Variants in IL10 observed in about 807,000 individuals in gnomAD.
IL10 encodes interleukin 10.
A neutral mutation model predicts 21.0 loss-of-function variants in IL10; 7 were observed. That is an observed-to-expected ratio of 0.33 (90% CI 0.19 to 0.63). The LOEUF (loss-of-function observed/expected upper bound fraction) is 0.63, where lower values mean the gene tolerates loss of function less well. Among genes scored for constraint, IL10 ranks in the 20% least tolerant of loss-of-function variants. The pLI is 0.77. For missense variants in IL10, 161 were observed against 213.0 expected (o/e 0.76, Z 1.52); for synonymous variants, 83 against 79.7 (o/e 1.04, Z -0.22).
intron 3 of IL10, among the ~76,000 whole-genome samples, chr1:206,770,217 T>TC (rs1164432370): frequency 6.6e-6 from 1 of 152,112 alleles, no homozygotes; most frequent in Non-Finnish European, 1.5e-5. Context: ...CTCCTGTTCC[T>TC]CCCCGTCAGT....
rs1484652409 is a variant in IL10, at chr1:206,769,892, A to G, written c.381T>C (p.His127=). 8.1e-6 allele frequency: 13 copies of G among 1,613,462 alleles called. No homozygotes were observed. The highest frequency in any genetic ancestry group is 2.2e-5 in the East Asian group (1 of 44,892). ...TCTTGTTTTCACAGGGAAGAAATCG[A>G]TGCTGTGGAAGAAAAGAGAAAGTGT... ...KTLRLRLRRC[H]RFLPCENKSK... is the part of the protein sequence containing the mutation. The change falls in exon 4 of 5, where the codon CAT becomes CAC. Residue 127 remains histidine, a splice_region_variant and synonymous_variant. Transcript: ENST00000423557.
rs1182693011 is a variant in IL10 at position 206,768,511 on chromosome 1, T to C, written c.*125A>G. On this transcript the variant is annotated 3_prime_UTR_variant, in exon 5 of 5. Transcript: ENST00000423557. Reference sequence around the variant, plus strand: ...GGGTTGAGGTATCAGAGGTAATAAATATTCTATAAGAGAGGTACAATAAGG... The same window carrying C: ...GGGTTGAGGTATCAGAGGTAATAAACATTCTATAAGAGAGGTACAATAAGG... The C allele has an allele frequency of 7.4e-6, 5 of 678,244 alleles. No individual in the cohort carries two copies. The highest frequency in any genetic ancestry group is 1.3e-5 in the Non-Finnish European group (5 of 371,752). 42.0% of individuals were successfully genotyped at this position (678,244 alleles called of 1,614,324 possible).
Position 206,772,488 on chromosome 1 carries a change from G to T in IL10, c.-53C>A. The T allele has an allele frequency of 1.3e-6, 2 of 1,548,122 alleles. No homozygotes were observed. The highest frequency in any genetic ancestry group is 1.8e-6 in the Non-Finnish European group (2 of 1,122,806). ...TTTGGTTTTGCAAGAGCAAGCCCCT[G>T]ATGTGTAGACCTTCACCTCTCTGTC... is the stretch of plus-strand genomic sequence containing the variant. On this transcript the variant is annotated 5_prime_UTR_variant, in exon 1 of 5. Coordinates refer to ENST00000423557, the MANE Select transcript of IL10 (RefSeq NM_000572.3).
chr1:206,770,601 G>A (rs1674799273), intron 3 of IL10: 2 of 430,878 alleles, frequency 4.6e-6, no homozygotes, highest in Non-Finnish European at 8.6e-6. Flanking sequence ...AGAGGCAGTG[G>A]AGGCCTGACT....
intron 3 of IL10, 45 bp downstream of exon 3, chr1:206,770,862 T>C: frequency 6.3e-7 from 1 of 1,587,852 alleles, no homozygotes; most frequent in Non-Finnish European, 8.7e-7. Context: ...TAGGAGATGG[T>C]ATTTTGGGGG....
chr1:206,772,240 G>T (rs1353905503), intron 1 of IL10, 31 bp downstream of exon 1: 14 of 1,601,946 alleles, frequency 8.7e-6, no homozygotes, highest in Middle Eastern at 1.6e-4. Flanking sequence ...GTCCCAGGAA[G>T]AGAGAAAGGA....
At chr1:206,770,676 A>G in intron 3 of IL10, 1 of 577,260 alleles carries the variant, frequency 1.7e-6, no homozygotes, top group South Asian at 2.0e-5. Flanking sequence ...TGACTCACAA[A>G]TAACAGGAAA....
chr1:206,769,840 C>T lies in IL10; in HGVS notation c.433G>A (p.Ala145Thr). ...KSKAVEQVKN[A>T]FNKLQEKGIY... is the part of the protein sequence containing the mutation. ...CCATCCAAGCTCACCTTATTAAAGG[C>T]ATTCTTCACCTGCTCCACGGCCTTG... The change falls in exon 4 of 5, where the codon GCC (alanine) becomes ACC (threonine). Residue 145 changes from alanine to threonine, a missense_variant. By Grantham distance (58) the Ala-to-Thr change is moderately conservative. Coordinates refer to ENST00000423557, the MANE Select transcript of IL10 (RefSeq NM_000572.3). The T allele has an allele frequency of 6.2e-7, 1 of 1,613,602 alleles. No individual in the cohort carries two copies. Among genetic ancestry groups the T allele is most frequent in the South Asian group, 1.1e-5 (1 of 91,064 alleles).
chr1:206,768,872 G>C (rs45553632), intron 4 of IL10, 144 bp from the exon 5 acceptor site: 4 of 692,008 alleles, frequency 5.8e-6, no homozygotes, highest in African/African-American at 5.3e-5. Context: ...CCAGAGGATA[G>C]GCCTAGCTGC....
chr1:206,770,319 A>G (rs1001662384), intron 3 of IL10: 1 of 319,396 alleles, frequency 3.1e-6, no homozygotes, highest in Non-Finnish European at 6.1e-6. Context: ...ATAGACACCA[A>G]CTGATTTTCC....
chr1:206,771,108 G>C, intron 2 of IL10, 49 bp from the exon 3 acceptor site: 1 of 1,597,794 alleles, frequency 6.3e-7, no homozygotes, highest in Non-Finnish European at 8.6e-7. Context: ...AGGTGGCTGG[G>C]AGGAGGGGCT....
At position 206,770,927 on chromosome 1, in the gene IL10, TGA is replaced by T; in HGVS notation, c.356_357del (p.Leu119GlnfsTer14). On this transcript the variant is annotated frameshift_variant, in exon 3 of 5. Transcript: ENST00000423557. LOFTEE classifies it high-confidence loss of function. ...VNSLGENLKT[L>X]RLRLRRCHRF... ...CTTACACAGCGCCGTAGCCTCAGCCTGAGGGTCTTCAGGTTCTCCCCCAGGGA... is the reference window on the plus strand; with the variant it reads ...CTTACACAGCGCCGTAGCCTCAGCCTGGGTCTTCAGGTTCTCCCCCAGGGA... 1 of 1,614,176 alleles carries T rather than the reference TGA, an allele frequency of 6.2e-7. No individual in the cohort carries two copies. Among genetic ancestry groups the T allele is most frequent in the Non-Finnish European group, 8.5e-7 (1 of 1,180,024 alleles).
Position 206,769,913 on chromosome 1 carries a change from A to C in IL10, c.379-19T>G, listed in dbSNP as rs759391400. On this transcript the variant is annotated intron_variant, in intron 3 of 4. Transcript: ENST00000423557. Reference sequence around the variant, plus strand: ...ATCGATGCTGTGGAAGAAAAGAGAAAGTGTTGGTGATCCTGGCTTCCAGCT... The same window carrying C: ...ATCGATGCTGTGGAAGAAAAGAGAACGTGTTGGTGATCCTGGCTTCCAGCT... The C allele has an allele frequency of 9.3e-6, 15 of 1,608,572 alleles. No individual in the cohort carries two copies. The Admixed American group carries it at 1.3e-4, about 14-fold the overall frequency.
In IL10 at chr1:206,768,499, A is replaced by C. The variant is rs1306122687; in HGVS notation, c.*137T>G. On this transcript the variant is annotated 3_prime_UTR_variant, in exon 5 of 5. Coordinates refer to ENST00000423557, the MANE Select transcript of IL10 (RefSeq NM_000572.3). The stretch of plus-strand genomic sequence containing the variant: ...AAATAGAAATGGGGGTTGAGGTATC[A>C]GAGGTAATAAATATTCTATAAGAGA... 7.6e-6 allele frequency: 5 copies of C among 660,952 alleles called. No homozygotes were observed. Among genetic ancestry groups the C allele is most frequent in the Non-Finnish European group, 1.4e-5 (5 of 363,732 alleles). 40.9% of individuals were successfully genotyped at this position (660,952 alleles called of 1,614,324 possible).
chr1:206,771,274 C>T, intron 2 of IL10, 82 bp downstream of exon 2: 2 of 1,336,792 alleles, frequency 1.5e-6, no homozygotes, highest in African/African-American at 1.4e-5. Context: ...GAAACAAACC[C>T]AATTCCCTGC....
intron 4 of IL10, 36 bp from the exon 5 acceptor site, chr1:206,768,764 C>T (rs753724609): frequency 1.5e-6 from 2 of 1,323,650 alleles, no homozygotes; most frequent in Admixed American, 3.4e-5. Flanking sequence ...AGTTAAAATC[C>T]TTTCTGGGGA....
intron 4 of IL10, among the ~76,000 whole-genome samples, chr1:206,769,069 G>A (rs1447641792): frequency 6.6e-6 from 1 of 152,150 alleles, no homozygotes; most frequent in Non-Finnish European, 1.5e-5. Flanking sequence ...AAAGCAAGAC[G>A]GTGAGAGGAG....
Position 206,768,721 on chromosome 1 carries a change from T to C in IL10, c.452A>G (p.Glu151Gly), listed in dbSNP as rs146520891. The C allele has an allele frequency of 6.3e-7, 1 of 1,598,914 alleles. No individual in the cohort carries two copies. The highest frequency in any genetic ancestry group is 1.3e-5 in the African/African-American group (1 of 74,624). ...QVKNAFNKLQ[E>G]KGIYKAMSEF... is the part of the protein sequence containing the mutation. Reference sequence around the variant, plus strand: ...ACTCATGGCTTTGTAGATGCCTTTCTCTTGGAGCTGTGCAGAGAGATAAGA... The same window carrying C: ...ACTCATGGCTTTGTAGATGCCTTTCCCTTGGAGCTGTGCAGAGAGATAAGA... The change falls in exon 5 of 5, where the codon GAG becomes GGG. Residue 151 changes from glutamate (E) to glycine (G), a missense_variant. Glu to Gly is a moderately conservative substitution (Grantham distance 98). Coordinates refer to ENST00000423557, the MANE Select transcript of IL10 (RefSeq NM_000572.3).
At position 206,771,366 on chromosome 1, in the gene IL10, T is replaced by C. The variant is rs545228684; in HGVS notation, c.215A>G (p.Glu72Gly). 4 of 1,613,834 alleles carry C rather than the reference T, an allele frequency of 2.5e-6. No individual in the cohort carries two copies. The East Asian group carries it at 8.9e-5, about 36-fold the overall frequency. Residue 72 changes from glutamate to glycine, a missense_variant, in exon 2 of 5, where the codon GAG becomes GGG. Transcript: ENST00000423557. ...CGCCCCTGCTCTCACCTTAAAGTCC[T>C]CCAGCAAGGACTCCTTTAACAACAA... ...DNLLLKESLL[E>G]DFKGYLGCQA...
Sources: allele counts gnomAD v4.1 joint callset (sites outside exome capture counted in the v4.1 genomes callset), GRCh38; gene constraint gnomAD v4.1.1; transcripts MANE v1.5; gene names NCBI Gene and HGNC (gene_info 2026-07-23, HGNC 2026-07-21).